P4HA3: variants seen among roughly 807,000 people sequenced by gnomAD.
The protein encoded by P4HA3 is prolyl 4-hydroxylase subunit alpha-3.
P4HA3 carries 60 observed loss-of-function variants against 66.7 expected under a neutral mutation model. The observed-to-expected ratio is 0.90, with a 90% CI of 0.73 to 1.12. The LOEUF is 1.12. P4HA3 is among the 50% of genes most tolerant of loss of function. P4HA3 has a pLI of 0.00. For synonymous variants in P4HA3, 263 were observed against 274.6 expected (o/e 0.96, Z 0.42); for missense variants, 683 against 685.8 (o/e 1.00, Z 0.05).
At chr11:74,260,848 CCT>C in intron 14 of P4HA3, among the ~76,000 whole-genome samples, 1 of 152,242 alleles carries the variant, frequency 6.6e-6, no homozygotes, top group Admixed American at 6.5e-5. Flanking sequence ...ACCTCCTTAT[CCT>C]TCAATATGCA....
chr11:74,287,104 G>C, intron 5 of P4HA3: 10 of 1,183,650 alleles, frequency 8.4e-6, no homozygotes, highest in Non-Finnish European at 9.6e-6. Context: ...CTTGTGTCTT[G>C]TTTGTGCCCA....
At chr11:74,259,883 A>T (rs1347192439) in intron 15 of P4HA3, 1 of 152,212 alleles carries the variant, frequency 6.6e-6, no homozygotes, top group East Asian at 1.9e-4. Flanking sequence ...TGCTATGACC[A>T]TGGGTGTACA....
chr11:74,311,075 G>GT (rs1861726211), intron 1 of P4HA3, among the ~76,000 whole-genome samples: 2 of 152,212 alleles, frequency 1.3e-5, no homozygotes, highest in African/African-American at 4.8e-5. Flanking sequence ...CTTCCACAGT[G>GT]TATCAACTTT....
At chr11:74,265,874 G>C (rs1411254864), downstream of P4HA3, among the ~76,000 whole-genome samples, 4 of 152,194 alleles carry the variant, frequency 2.6e-5, no homozygotes, top group Non-Finnish European at 5.9e-5. Flanking sequence ...CAGCCCCAAA[G>C]CACTTCCCCT....
intron 2 of P4HA3, 145 bp from the exon 3 acceptor site, chr11:74,302,737 T>C (rs1861448273): frequency 2.8e-6 from 2 of 702,840 alleles, no homozygotes; most frequent in Admixed American, 5.9e-5. Flanking sequence ...GCACAGTTCC[T>C]GGCACAGGGT....
At chr11:74,297,510 A>G (rs79945858) in intron 4 of P4HA3, among the ~76,000 whole-genome samples, 4,086 of 152,182 alleles carry the variant, frequency 0.027, 161 homozygotes, top group African/African-American at 0.089. Context: ...AGACTGTACA[A>G]CTCGGGTGGG....
At chr11:74,271,801 A>G (rs1344095592) in intron 10 of P4HA3, among the ~76,000 whole-genome samples, 1 of 152,168 alleles carries the variant, frequency 6.6e-6, no homozygotes, top group Non-Finnish European at 1.5e-5. Flanking sequence ...GTCTTGAGAA[A>G]TGTTTGTCTT....
chr11:74,282,217 T>C (rs968089233), intron 7 of P4HA3, among the ~76,000 whole-genome samples: 36 of 152,228 alleles, frequency 2.4e-4, no homozygotes, highest in African/African-American at 7.2e-4. Flanking sequence ...GTAACAATCA[T>C]TAATTGTCTA....
At chr11:74,302,628 AG>A in intron 2 of P4HA3, 36 bp from the exon 3 acceptor site, 1 of 1,569,740 alleles carries the variant, frequency 6.4e-7, no homozygotes, top group Non-Finnish European at 8.7e-7. Flanking sequence ...CCAGCATTCA[AG>A]AAACAGGAGT....
chr11:74,302,706 T>C, intron 2 of P4HA3, 114 bp from the exon 3 acceptor site: 1 of 1,002,698 alleles, frequency 1.0e-6, no homozygotes, highest in Non-Finnish European at 1.4e-6. Context: ...GTTGGATTTG[T>C]CTTTGTGTTC....
intron 4 of P4HA3, among the ~76,000 whole-genome samples, chr11:74,293,430 C>T (rs1861103819): frequency 6.6e-6 from 1 of 152,202 alleles, no homozygotes; most frequent in African/African-American, 2.4e-5. Flanking sequence ...TTAATTGGAG[C>T]ATTTAGCCCA....
chr11:74,251,149 C>T, intron 15 of P4HA3: 1 of 1,485,346 alleles, frequency 6.7e-7, no homozygotes, highest in East Asian at 2.5e-5. Flanking sequence ...AGATGCAGTT[C>T]CACCAGCTCT....
intron 15 of P4HA3, chr11:74,255,972 G>A (rs1311195516): frequency 2.0e-6 from 1 of 512,118 alleles, no homozygotes; most frequent in African/African-American, 1.9e-5. Context: ...CCACAAGAGG[G>A]CAGCATGATC....
intron 4 of P4HA3, among the ~76,000 whole-genome samples, chr11:74,291,906 C>G (rs1199766926): frequency 2.0e-5 from 3 of 152,164 alleles, no homozygotes; most frequent in South Asian, 4.1e-4. Flanking sequence ...CTAAAATTCT[C>G]TTTTTTGGTT....
In P4HA3 at chr11:74,311,455, G is replaced by T; in HGVS notation, c.157C>A (p.Arg53=). 6.5e-7 allele frequency: 1 copy of T among 1,538,604 alleles called. No individual in the cohort carries two copies. The highest frequency in any genetic ancestry group is 8.7e-7 in the Non-Finnish European group (1 of 1,149,798). ...PERRLLGLLR[R]YLRGEEARLR... ...CGCGCCTCCTCCCCGCGCAGGTACC[G>T]CCTCAGCAGCCCCAGCAGCCGGCGC... The change falls in exon 1 of 13, where the codon CGG becomes AGG. Residue 53 remains arginine (R), a synonymous_variant. Transcript: ENST00000331597.
chr11:74,251,291 A>AAGCCAG, intron 15 of P4HA3: 1 of 1,358,038 alleles, frequency 7.4e-7, no homozygotes, highest in Non-Finnish European at 9.5e-7. Context: ...ATACCCCCAA[A>AAGCCAG]AGCCAGAGAT....
At chr11:74,264,418 CA>C (rs1453838765), downstream of P4HA3, among the ~76,000 whole-genome samples, 1 of 152,196 alleles carries the variant, frequency 6.6e-6, no homozygotes, top group Non-Finnish European at 1.5e-5. Flanking sequence ...GGACCCTGCT[CA>C]TCTTCAAGAT....
At position 74,267,013 on chromosome 11, in the gene P4HA3, C is replaced by A. The variant is rs191586897; in HGVS notation, c.*235G>T. 72 of 1,512,110 alleles carry A rather than the reference C, an allele frequency of 4.8e-5. No homozygotes were observed. Among genetic ancestry groups the A allele is most frequent in the Non-Finnish European group, 6.0e-5 (68 of 1,132,192 alleles). 93.7% of individuals were successfully genotyped at this position (1,512,110 alleles called of 1,614,324 possible). A position where few individuals can be genotyped will look rare whatever the true frequency, so the allele number is the denominator to read the frequency against. On this transcript the variant is annotated 3_prime_UTR_variant, in exon 13 of 13. Coordinates refer to ENST00000331597, the MANE Select transcript of P4HA3 (RefSeq NM_182904.5). ...CTTCCCTCTCAGGCCTCCACTCCCC[C>A]CTCCTTTGTACTGTGCATCCTACTC...
At chr11:74,305,886 G>C (rs936360714) in intron 1 of P4HA3, among the ~76,000 whole-genome samples, 14 of 152,170 alleles carry the variant, frequency 9.2e-5, no homozygotes, top group Admixed American at 7.9e-4. Flanking sequence ...AGTTTAGTGA[G>C]TAAGAAAGAC....
Sources: allele counts gnomAD v4.1 joint callset (sites outside exome capture counted in the v4.1 genomes callset), GRCh38; gene constraint gnomAD v4.1.1; transcripts MANE v1.5; gene names NCBI Gene and HGNC (gene_info 2026-07-23, HGNC 2026-07-21).